Variants in SGCZ observed in about 807,000 individuals in gnomAD.
The protein encoded by SGCZ is zeta-sarcoglycan.
Under a neutral mutation model 41.3 loss-of-function variants are expected in SGCZ, and 40 were observed. The observed-to-expected ratio is 0.97, with a 90% CI of 0.75 to 1.26. The LOEUF (loss-of-function observed/expected upper bound fraction) is 1.26, where lower values mean the gene tolerates loss of function less well. SGCZ is among the 50% of genes most tolerant of loss of function. The pLI is 0.00. For missense variants in SGCZ, 552 were observed against 369.8 expected (o/e 1.49, Z -4.04); for synonymous variants, 206 against 137.5 (o/e 1.50, Z -3.49).
chr8:15,039,269 T>C (rs1042034094), intron 1 of SGCZ, among the ~76,000 whole-genome samples: 1 of 152,136 alleles, frequency 6.6e-6, no homozygotes, highest in Admixed American at 6.5e-5. Flanking sequence ...AAATGTAGTA[T>C]ACAATGGAAT....
At chr8:14,773,330 G>A (rs1053033919) in intron 1 of SGCZ, among the ~76,000 whole-genome samples, 3 of 152,084 alleles carry the variant, frequency 2.0e-5, no homozygotes, top group African/African-American at 7.2e-5. Flanking sequence ...CCCTTCATAA[G>A]TTCTCAAATG....
At chr8:14,456,877 C>G (rs143797901) in intron 2 of SGCZ, among the ~76,000 whole-genome samples, 1 of 152,038 alleles carries the variant, frequency 6.6e-6, no homozygotes, top group Non-Finnish European at 1.5e-5. Flanking sequence ...TTTAAAAGTG[C>G]GTGGTACCTC....
At chr8:14,399,171 G>C (rs547831550) in intron 2 of SGCZ, among the ~76,000 whole-genome samples, 1 of 152,218 alleles carries the variant, frequency 6.6e-6, no homozygotes, top group African/African-American at 2.4e-5. Context: ...AAATATTGTT[G>C]TGTATCTTTC....
intron 2 of SGCZ, among the ~76,000 whole-genome samples, chr8:14,477,550 T>C (rs1174411720): frequency 6.6e-6 from 1 of 152,186 alleles, no homozygotes; most frequent in South Asian, 2.1e-4. Context: ...AACACTATTT[T>C]ATTCTCCTTC....
intron 1 of SGCZ, among the ~76,000 whole-genome samples, chr8:15,124,788 TG>T (rs542415237): frequency 3.7e-4 from 57 of 152,280 alleles, no homozygotes; most frequent in Non-Finnish European, 6.9e-4. Context: ...TGCATTTTTG[TG>T]CAAATTCATC....
intron 1 of SGCZ, among the ~76,000 whole-genome samples, chr8:14,598,427 GA>G (rs1317795896): frequency 1.3e-4 from 19 of 151,712 alleles, no homozygotes; most frequent in Non-Finnish European, 2.6e-4. Context: ...ATGTTTTCAG[GA>G]AAAATTTTGT....
chr8:14,405,284 C>G (rs1244859869), intron 2 of SGCZ, among the ~76,000 whole-genome samples: 1 of 152,088 alleles, frequency 6.6e-6, no homozygotes, highest in Non-Finnish European at 1.5e-5. Flanking sequence ...GATAGTTAAG[C>G]TTTATATGTT....
chr8:14,202,217 C>T (rs995209384), intron 4 of SGCZ, among the ~76,000 whole-genome samples: 2 of 152,140 alleles, frequency 1.3e-5, no homozygotes, highest in Admixed American at 6.6e-5. Flanking sequence ...CCAGCCATTG[C>T]TGACTTTGAA....
At chr8:14,187,395 A>G (rs1222716270) in intron 4 of SGCZ, among the ~76,000 whole-genome samples, 1 of 152,244 alleles carries the variant, frequency 6.6e-6, no homozygotes, top group Non-Finnish European at 1.5e-5. Context: ...AGCAAATGTC[A>G]GACTTAACCA....
intron 2 of SGCZ, among the ~76,000 whole-genome samples, chr8:14,452,624 C>T (rs1406745008): frequency 6.6e-6 from 1 of 151,940 alleles, no homozygotes; most frequent in Non-Finnish European, 1.5e-5. Flanking sequence ...TATGATGTTC[C>T]ATGGCATGTT....
intron 1 of SGCZ, among the ~76,000 whole-genome samples, chr8:15,209,636 G>A (rs190273368): frequency 1.3e-5 from 2 of 152,140 alleles, no homozygotes; most frequent in Admixed American, 1.3e-4. Context: ...GAAGATTGAA[G>A]TTTAAAAGAT....
intron 1 of SGCZ, among the ~76,000 whole-genome samples, chr8:15,198,750 C>A (rs1478029183): frequency 6.6e-6 from 1 of 152,196 alleles, no homozygotes; most frequent in Admixed American, 6.5e-5. Context: ...TAGCTAAATA[C>A]ACAATATTGA....
rs149281758 is a variant in SGCZ at position 14,594,717 on chromosome 8, G to A, written c.40-39791C>T. Among the ~76,000 whole-genome samples, 53 of 151,992 alleles carry A rather than the reference G, an allele frequency of 3.5e-4. No individual in the cohort carries two copies. The East Asian group carries it at 8.5e-3, about 24-fold the overall frequency. On this transcript the variant is annotated intron_variant, in intron 1 of 7. Coordinates refer to ENST00000382080, the MANE Select transcript of SGCZ (RefSeq NM_139167.4). ...AAATAAAATATGAATAACTGTCTGTGCGTTGGGGGTGTCTTGCATATGTGT... is the reference window on the plus strand; with the variant it reads ...AAATAAAATATGAATAACTGTCTGTACGTTGGGGGTGTCTTGCATATGTGT...
At chr8:14,760,981 G>C (rs1563251586) in intron 1 of SGCZ, among the ~76,000 whole-genome samples, 2 of 152,162 alleles carry the variant, frequency 1.3e-5, no homozygotes, top group South Asian at 4.1e-4. Context: ...TTGGATGTCA[G>C]ATGTAGGTCA....
At chr8:14,557,374 G>T (rs1427890776) in intron 1 of SGCZ, among the ~76,000 whole-genome samples, 1 of 151,780 alleles carries the variant, frequency 6.6e-6, no homozygotes, top group African/African-American at 2.4e-5. Context: ...CCCACCCTGT[G>T]GGTTGTCTGT....
intron 1 of SGCZ, among the ~76,000 whole-genome samples, chr8:15,153,725 C>T (rs915199704): frequency 5.3e-5 from 8 of 152,180 alleles, no homozygotes; most frequent in Non-Finnish European, 1.2e-4. Flanking sequence ...CCGTGCCTTC[C>T]GCGAGGAAAA....
chr8:14,244,944 G>A (rs1406051891), intron 3 of SGCZ, among the ~76,000 whole-genome samples: 3 of 152,024 alleles, frequency 2.0e-5, no homozygotes, highest in Non-Finnish European at 4.4e-5. Flanking sequence ...CATTGATTTT[G>A]TATCCTGAGA....
chr8:14,653,073 C>G (rs1369845787), intron 1 of SGCZ, among the ~76,000 whole-genome samples: 1 of 152,088 alleles, frequency 6.6e-6, no homozygotes, highest in Non-Finnish European at 1.5e-5. Context: ...ATAAAATCCT[C>G]TATGTCTATT....
rs548723090 is a variant in SGCZ at position 14,628,640 on chromosome 8, A to G, written c.40-73714T>C. Among the ~76,000 whole-genome samples the G allele has an allele frequency of 2.6e-5, 4 of 152,192 alleles. No individual in the cohort carries two copies. In the South Asian group the frequency reaches 8.3e-4, roughly 32 times the overall value. The stretch of plus-strand genomic sequence containing the variant: ...AAATAGCTGATTAGGCAAAATTTCT[A>G]TTAGCAAATGACAAGAGACAAAACA... On this transcript the variant is annotated intron_variant, in intron 1 of 7. Coordinates refer to ENST00000382080, the MANE Select transcript of SGCZ (RefSeq NM_139167.4).
Sources: gnomAD v4.1 joint callset for allele counts (sites outside exome capture counted in the v4.1 genomes callset) on GRCh38, gnomAD v4.1.1 for gene constraint, MANE v1.5 for transcripts, NCBI Gene and HGNC (gene_info 2026-07-23, HGNC 2026-07-21) for gene names.